The following RPRD1B variants were observed in gnomAD, a reference collection of about 807,000 sequenced individuals.
RPRD1B encodes the protein regulation of nuclear pre-mRNA domain-containing protein 1B.
Under a neutral mutation model 41.5 loss-of-function variants are expected in RPRD1B, and 11 were observed. The observed-to-expected ratio is 0.27, with a 90% CI of 0.17 to 0.44. The LOEUF (loss-of-function observed/expected upper bound fraction) is 0.44, where lower values mean the gene tolerates loss of function less well. Among genes scored for constraint, RPRD1B ranks in the 20% least tolerant of loss-of-function variants. RPRD1B has a pLI of 1.00. For missense variants in RPRD1B, 248 were observed against 389.9 expected (o/e 0.64, Z 3.06); for synonymous variants, 158 against 155.6 (o/e 1.02, Z -0.12).
In RPRD1B at chr20:38,059,468, T is replaced by C. The variant is rs1375421900; in HGVS notation, c.603T>C (p.Ile201=). 1 of 1,614,102 alleles carries C rather than the reference T, an allele frequency of 6.2e-7. No individual in the cohort carries two copies. Among genetic ancestry groups the C allele is most frequent in the Non-Finnish European group, 8.5e-7 (1 of 1,179,982 alleles). ...GGGATGCTACTGTCCGACAGAAAATTGCTTCTCTGCCCCAGGAAGTGCAAG... is the reference window on the plus strand; with the variant it reads ...GGGATGCTACTGTCCGACAGAAAATCGCTTCTCTGCCCCAGGAAGTGCAAG... The part of the protein sequence containing the change: ...ASGDATVRQK[I]ASLPQEVQDV... The change falls in exon 5 of 7, where the codon ATT becomes ATC. Residue 201 remains isoleucine, a synonymous_variant. Transcript: ENST00000373433.
chr20:38,065,973 A>G (rs1341325631), intron 5 of RPRD1B, 108 bp from the exon 6 acceptor site: 1 of 1,094,220 alleles, frequency 9.1e-7, no homozygotes, highest in East Asian at 2.4e-5. Context: ...GCTTATTCTC[A>G]GACTCTGTAT....
In RPRD1B at chr20:38,090,318, C is replaced by G. The variant is rs1033259856; in HGVS notation, c.*443C>G. The stretch of plus-strand genomic sequence containing the variant: ...GTGGGCTTCCACTAAGGCACTTGTC[C>G]TGGAGACGTTGGCTTTCCCAGCTGC... On this transcript the variant is annotated 3_prime_UTR_variant, in exon 7 of 7. Transcript: ENST00000373433. The G allele has an allele frequency of 2.0e-6, 2 of 987,030 alleles. No homozygotes were observed. Among genetic ancestry groups the G allele is most frequent in the African/African-American group, 3.5e-5 (2 of 57,248 alleles). The allele number at this position is 987,030 out of a possible 1,614,324, so 61.1% of individuals were successfully genotyped here. A position where few individuals can be genotyped will look rare whatever the true frequency, so the allele number is the denominator to read the frequency against.
intron 5 of RPRD1B, among the ~76,000 whole-genome samples, chr20:38,064,309 C>A (rs992422419): frequency 6.6e-6 from 1 of 152,202 alleles, no homozygotes; most frequent in Admixed American, 6.5e-5. Flanking sequence ...GTTCCTCTTG[C>A]AATATTCACA....
intron 3 of RPRD1B, among the ~76,000 whole-genome samples, chr20:38,053,250 T>G (rs1375653643): frequency 1.3e-5 from 2 of 152,198 alleles, no homozygotes; most frequent in Admixed American, 1.3e-4. Flanking sequence ...TTTAAAAAAA[T>G]GTATAGCTTT....
intron 6 of RPRD1B, among the ~76,000 whole-genome samples, chr20:38,080,558 CTT>C (rs1185231676): frequency 6.6e-6 from 1 of 152,178 alleles, no homozygotes; most frequent in East Asian, 1.9e-4. Context: ...TTGAGTCTCT[CTT>C]TGTCTCCCAG....
rs1205784636 is a variant in RPRD1B, at chr20:38,066,063, G to T, written c.656-18G>T. 1 of 1,604,858 alleles carries T rather than the reference G, an allele frequency of 6.2e-7. No individual in the cohort carries two copies. The highest frequency in any genetic ancestry group is 1.7e-5 in the Admixed American group (1 of 58,530). The stretch of plus-strand genomic sequence containing the variant: ...GATTTGTATATTTTCTCTATTTTTT[G>T]GTCTCATTTGTACTTAGACAAAGAG... On this transcript the variant is annotated intron_variant, in intron 5 of 6. Transcript: ENST00000373433.
chr20:38,074,126 C>G (rs953042923), intron 6 of RPRD1B, among the ~76,000 whole-genome samples: 3 of 152,188 alleles, frequency 2.0e-5, no homozygotes, highest in African/African-American at 7.2e-5. Context: ...CTTTCCATCC[C>G]CTACTTTGAT....
chr20:38,042,168 T>C (rs1358418008), intron 2 of RPRD1B, among the ~76,000 whole-genome samples: 2 of 152,154 alleles, frequency 1.3e-5, no homozygotes, highest in East Asian at 3.9e-4. Flanking sequence ...CTGGGCAGCA[T>C]AGTGAGACCC....
intron 6 of RPRD1B, among the ~76,000 whole-genome samples, chr20:38,084,203 C>T (rs1053723190): frequency 5.3e-5 from 8 of 152,054 alleles, no homozygotes; most frequent in African/African-American, 1.9e-4. Context: ...GCTTTCTCAA[C>T]CTCCATACTA....
chr20:38,054,644 G>A (rs886510713), intron 3 of RPRD1B, among the ~76,000 whole-genome samples: 1 of 152,112 alleles, frequency 6.6e-6, no homozygotes, highest in African/African-American at 2.4e-5. Flanking sequence ...CCAAAATTCA[G>A]GAATTCTAAG....
intron 5 of RPRD1B, among the ~76,000 whole-genome samples, chr20:38,065,207 T>G (rs969244762): frequency 3.3e-5 from 5 of 152,200 alleles, no homozygotes; most frequent in African/African-American, 1.2e-4. Flanking sequence ...GTTTAAGAGA[T>G]AGAGTGCTAT....
chr20:38,064,394 C>T (rs1248897167), intron 5 of RPRD1B, among the ~76,000 whole-genome samples: 1 of 152,164 alleles, frequency 6.6e-6, no homozygotes, highest in Non-Finnish European at 1.5e-5. Context: ...CCTAGTTCCC[C>T]AGGAGAATGC....
At chr20:38,046,386 CT>C (rs1446633765) in intron 2 of RPRD1B, among the ~76,000 whole-genome samples, 5 of 152,250 alleles carry the variant, frequency 3.3e-5, no homozygotes, top group Middle Eastern at 3.4e-3. Context: ...ATACATTTTT[CT>C]GGAAAAGATT....
At chr20:38,035,175 C>G (rs6022521) in intron 1 of RPRD1B, among the ~76,000 whole-genome samples, 4,762 of 152,142 alleles carry the variant, frequency 0.031, 227 homozygotes, top group African/African-American at 0.11. Flanking sequence ...TGAGATGAGA[C>G]TTTTGATTAC....
Position 38,076,936 on chromosome 20 carries a change from T to TTTTTTTTTTA in RPRD1B, c.831+10680_831+10681insTTTTTTTTTA, listed in dbSNP as rs2074467656. On this transcript the variant is annotated intron_variant, in intron 6 of 6. Coordinates refer to ENST00000373433, the MANE Select transcript of RPRD1B (RefSeq NM_021215.4). ...TTTTTTTTTTTTTTTTTTTTTTTTT[T>TTTTTTTTTTA]GAGATGGAGTCTCGCTGTTGCCCAG... is the stretch of plus-strand genomic sequence containing the variant. 1.9e-4 allele frequency among the ~76,000 whole-genome samples: 23 copies of TTTTTTTTTTA among 123,340 alleles called. 1 individual carries two copies. The highest frequency in any genetic ancestry group is 5.0e-5 in the Non-Finnish European group (3 of 59,466). The allele number at this position is 123,340 out of a possible 152,430, so 80.9% of individuals were successfully genotyped here.
intron 3 of RPRD1B, among the ~76,000 whole-genome samples, chr20:38,053,731 G>A (rs997650367): frequency 1.3e-5 from 2 of 152,152 alleles, no homozygotes; most frequent in African/African-American, 4.8e-5. Context: ...TTCCACATCT[G>A]TGGATGCAAC....
intron 6 of RPRD1B, among the ~76,000 whole-genome samples, chr20:38,076,906 C>CTTTTTTTTTT (rs573460686): frequency 0.011 from 704 of 63,510 alleles, 171 homozygotes; most frequent in Non-Finnish European, 0.014. Flanking sequence ...CATTCTGGAC[C>CTTTTTTTTTT]TTTTTTTTTT....
At chr20:38,064,198 C>T (rs2074329443) in intron 5 of RPRD1B, among the ~76,000 whole-genome samples, 1 of 152,180 alleles carries the variant, frequency 6.6e-6, no homozygotes, top group East Asian at 1.9e-4. Flanking sequence ...CCATTCCGCT[C>T]ACTTCTTCCC....
intron 2 of RPRD1B, among the ~76,000 whole-genome samples, chr20:38,045,117 T>C (rs948187799): frequency 3.3e-5 from 5 of 152,178 alleles, no homozygotes; most frequent in Non-Finnish European, 5.9e-5. Flanking sequence ...TATTGAAAAA[T>C]AAAGTGATTG....
Sources: allele counts gnomAD v4.1 joint callset (sites outside exome capture counted in the v4.1 genomes callset), GRCh38; gene constraint gnomAD v4.1.1; transcripts MANE v1.5; gene names NCBI Gene and HGNC (gene_info 2026-07-23, HGNC 2026-07-21).